Variants in NLRC3 observed in about 807,000 individuals in gnomAD.
The protein encoded by NLRC3 is NLR family CARD domain containing 3.
Under a neutral mutation model 91.6 loss-of-function variants are expected in NLRC3, and 87 were observed. The ratio of observed to expected loss-of-function variants is 0.95; its 90% confidence interval spans 0.80 to 1.14. The LOEUF (loss-of-function observed/expected upper bound fraction) is 1.14. Among genes scored for constraint, NLRC3 ranks in the 50% most tolerant of loss-of-function variants. The pLI is 0.00. For synonymous variants in NLRC3, 694 were observed against 625.3 expected (o/e 1.11, Z -1.64); for missense variants, 1,577 against 1,418.6 (o/e 1.11, Z -1.79).
In NLRC3 at chr16:3,564,879, G is replaced by C. The variant is rs201578185; in HGVS notation, c.158C>G (p.Pro53Arg). 1 of 1,607,454 alleles carries C rather than the reference G, an allele frequency of 6.2e-7. No homozygotes were observed. Among genetic ancestry groups the C allele is most frequent in the Admixed American group, 1.7e-5 (1 of 59,828 alleles). ...PQALDRTPDA[P>R]LGPCSNDSRI... Reference sequence around the variant, plus strand: ...CCTACCATTGCTGCAGGGCCCCAGCGGGGCATCCGGTGTCCTATCCAGGGC... The same window carrying C: ...CCTACCATTGCTGCAGGGCCCCAGCCGGGCATCCGGTGTCCTATCCAGGGC... Residue 53 changes from proline (P) to arginine (R), a missense_variant, in exon 4 of 20, where the codon CCG becomes CGG. Pro to Arg is a moderately radical substitution (Grantham distance 103). Transcript: ENST00000359128. The surrounding 1 kb of genome is among the most constrained non-coding windows in gnomAD (Gnocchi z 5.9).
Position 3,569,397 on chromosome 16 carries a change from A to ATTT in NLRC3, c.-168-2076_-168-2074dup, listed in dbSNP as rs1203778704. On this transcript the variant is annotated intron_variant, in intron 1 of 19. Coordinates refer to ENST00000359128, the MANE Select transcript of NLRC3 (RefSeq NM_178844.4). ...ATATATATATATATATATATATATT[A>ATTT]TTTTTTTTTTTTTTTTTTTTTTTTG... Among the ~76,000 whole-genome samples the ATTT allele has an allele frequency of 6.3e-3, 257 of 41,058 alleles. 11 individuals carry two copies. Among genetic ancestry groups the ATTT allele is most frequent in the African/African-American group, 0.017 (134 of 8,074 alleles). 26.9% of individuals were successfully genotyped at this position (41,058 alleles called of 152,430 possible). A position where few individuals can be genotyped will look rare whatever the true frequency, so the allele number is the denominator to read the frequency against.
rs1013992005 is a variant in NLRC3 at position 3,548,326 on chromosome 16, C to A, written c.2688-108G>T. The A allele has an allele frequency of 5.8e-6, 5 of 856,766 alleles. No homozygotes were observed. In the Admixed American group the frequency reaches 8.4e-5, roughly 14 times the overall value. 53.1% of individuals were successfully genotyped at this position (856,766 alleles called of 1,614,324 possible). ...GAGGTGGAATCCCTGCAGGATGTGG[C>A]AGGAGAATTCCTGCAACCCCTGCCC... On this transcript the variant is annotated intron_variant, in intron 14 of 19. Transcript: ENST00000359128.
chr16:3,567,743 G>A (rs1311418759), intron 1 of NLRC3, among the ~76,000 whole-genome samples: 1 of 111,248 alleles, frequency 9.0e-6, no homozygotes, highest in Non-Finnish European at 1.7e-5. Flanking sequence ...CTGCACTCCA[G>A]CCTGGGCAAC....
At chr16:3,549,881 T>TG in intron 11 of NLRC3, 101 bp from the exon 12 acceptor site, 1 of 742,914 alleles carries the variant, frequency 1.3e-6, no homozygotes, top group Non-Finnish European at 2.2e-6. Flanking sequence ...AACAGGGAGT[T>TG]GGGGGCTCCA....
chr16:3,564,446 T>C lies in NLRC3; in HGVS notation c.491A>G (p.His164Arg), dbSNP rs892411797. The change falls in exon 5 of 20, where the codon CAT (histidine) becomes CGT (arginine). Residue 164 changes from histidine (H) to arginine (R), a missense_variant. Coordinates refer to ENST00000359128, the MANE Select transcript of NLRC3 (RefSeq NM_178844.4). The surrounding 1 kb of genome is among the most constrained non-coding windows in gnomAD (Gnocchi z 5.9). Reference protein sequence around the residue: ...LVRHFVRLWAHGQVGKDFSLV... With the variant: ...LVRHFVRLWARGQVGKDFSLV... ...CGAGAAGTCCTTGCCGACCTGCCCA[T>C]GGGCCCAGAGGCGGACGAAGTGCCT... 1.9e-6 allele frequency: 3 copies of C among 1,612,694 alleles called. No individual in the cohort carries two copies. The highest frequency in any genetic ancestry group is 2.7e-5 in the African/African-American group (2 of 74,944).
chr16:3,556,873 C>T (rs759859558), intron 8 of NLRC3, 38 bp downstream of exon 8: 124 of 1,467,494 alleles, frequency 8.4e-5, no homozygotes, highest in Middle Eastern at 4.3e-4. Context: ...TCTGGGCCCT[C>T]TCTTGGGGTC....
intron 14 of NLRC3, 146 bp downstream of exon 14, chr16:3,548,524 G>T: frequency 3.1e-6 from 2 of 650,996 alleles, no homozygotes; most frequent in Non-Finnish European, 5.4e-6. Flanking sequence ...GGCACAGTCT[G>T]CTGGCAGCAG....
At chr16:3,562,330 A>G (rs1269992580) in intron 5 of NLRC3, among the ~76,000 whole-genome samples, 1 of 152,104 alleles carries the variant, frequency 6.6e-6, no homozygotes, top group Non-Finnish European at 1.5e-5. Context: ...ATCCAGTGTG[A>G]CAGTGTCTTT....
chr16:3,576,866 C>T (rs1236761980), intron 1 of NLRC3, among the ~76,000 whole-genome samples: 4 of 152,158 alleles, frequency 2.6e-5, no homozygotes, highest in Non-Finnish European at 1.5e-5. Context: ...GATGGGGTTT[C>T]ACCATGTTGG....
At position 3,564,382 on chromosome 16, in the gene NLRC3, G is replaced by T. The variant is rs762423192; in HGVS notation, c.555C>A (p.His185Gln). 4 of 1,612,548 alleles carry T rather than the reference G, an allele frequency of 2.5e-6. No homozygotes were observed. Among genetic ancestry groups the T allele is most frequent in the African/African-American group, 1.3e-5 (1 of 75,080 alleles). The change falls in exon 5 of 20, where the codon CAC (histidine) becomes CAA (glutamine). Residue 185 changes from histidine (H) to glutamine (Q), a missense_variant. Transcript: ENST00000359128. This position sits in a 1 kb window ranked among gnomAD's most constrained non-coding sequence, Gnocchi z 5.9. Reference protein sequence around the residue: ...LPLTFRDLNTHEKLCADRLIC... With the variant: ...LPLTFRDLNTQEKLCADRLIC... ...TGAGTCGGTCGGCACACAGCTTCTC[G>T]TGGGTGTTGAGATCCCGGAAGGTCA...
intron 6 of NLRC3, 77 bp downstream of exon 6, chr16:3,561,625 A>T: frequency 1.0e-6 from 1 of 1,004,048 alleles, no homozygotes; most frequent in East Asian, 2.4e-5. Flanking sequence ...TGGCCAGCTG[A>T]GCAGAGGATG....
At position 3,564,506 on chromosome 16, in the gene NLRC3, A is replaced by G. The variant is rs371801941; in HGVS notation, c.431T>C (p.Ile144Thr). 8.7e-6 allele frequency: 14 copies of G among 1,612,252 alleles called. No individual in the cohort carries two copies. The African/African-American group carries it at 1.7e-4, about 20-fold the overall frequency. Residue 144 changes from isoleucine to threonine, a missense_variant, in exon 5 of 20, where the codon ATC (isoleucine) becomes ACC (threonine). Transcript: ENST00000359128. This position sits in a 1 kb window ranked among gnomAD's most constrained non-coding sequence, Gnocchi z 5.9. ...VSVPPRVSIT[I>T]GVAGMGKTTL... is the part of the protein sequence containing the mutation. ...GGTCTTGCCCATGCCGGCCACCCCG[A>G]TAGTGATGGAGACCCGGGGTGGGAC...
At chr16:3,548,615 A>T in intron 14 of NLRC3, 55 bp downstream of exon 14, 1 of 1,322,150 alleles carries the variant, frequency 7.6e-7, no homozygotes, top group Non-Finnish European at 1.1e-6. Context: ...GTTTGGGTGG[A>T]GCCCGGCAGC....
In NLRC3 at chr16:3,549,142, T is replaced by A; in HGVS notation, c.2603A>T (p.Asp868Val). 1 of 1,570,212 alleles carries A rather than the reference T, an allele frequency of 6.4e-7. No homozygotes were observed. Among genetic ancestry groups the A allele is most frequent in the Non-Finnish European group, 8.6e-7 (1 of 1,156,504 alleles). Residue 868 changes from aspartate (D) to valine (V), a missense_variant and splice_region_variant, in exon 13 of 20, where the codon GAC (aspartate) becomes GTC (valine). Transcript: ENST00000359128. ...GGAGTCACAGGCCCCCACCACGTAC[T>A]CCAGGTTCTTCAGGGTGCTGTTGGC... ...LCANSTLKNL[D>V]LTANLLHDQG...
rs1296811376 is a variant in NLRC3, at chr16:3,541,753, C to T, written c.*72G>A. 9.8e-7 allele frequency: 1 copy of T among 1,022,894 alleles called. No homozygotes were observed. Among genetic ancestry groups the T allele is most frequent in the Non-Finnish European group, 1.5e-6 (1 of 664,668 alleles). 63.4% of individuals were successfully genotyped at this position (1,022,894 alleles called of 1,614,324 possible). A position where few individuals can be genotyped will look rare whatever the true frequency, so the allele number is the denominator to read the frequency against. ...CGTTCCCAGCTCCCAGACAGGCCCCCCAGAAGTCGGCCTTTCTGTTCAAAA... is the reference window on the plus strand; with the variant it reads ...CGTTCCCAGCTCCCAGACAGGCCCCTCAGAAGTCGGCCTTTCTGTTCAAAA... On this transcript the variant is annotated 3_prime_UTR_variant, in exon 20 of 20. Coordinates refer to ENST00000359128, the MANE Select transcript of NLRC3 (RefSeq NM_178844.4).
chr16:3,573,357 G>T (rs975807932), intron 1 of NLRC3, among the ~76,000 whole-genome samples: 1 of 152,102 alleles, frequency 6.6e-6, no homozygotes. Context: ...AACTCCCGCC[G>T]TCAAGGCTGC....
In NLRC3 at chr16:3,552,289, A is replaced by C; in HGVS notation, c.2268-10T>G. ...GCTGTTCTTCTGCAGGCTGTGGGAG[A>C]AAAGAGAGGGGTCCTTTAGAAAGGC... On this transcript the variant is annotated splice_polypyrimidine_tract_variant and intron_variant, in intron 9 of 19. Transcript: ENST00000359128. The C allele has an allele frequency of 6.2e-7, 1 of 1,604,314 alleles. No individual in the cohort carries two copies. Among genetic ancestry groups the C allele is most frequent in the South Asian group, 1.1e-5 (1 of 90,904 alleles).
chr16:3,564,122 G>C lies in NLRC3; in HGVS notation c.815C>G (p.Ser272Cys), dbSNP rs764057684. ...SIWITSRPSA[S>C]GQIPGGLVDR... is the part of the protein sequence containing the mutation. The stretch of plus-strand genomic sequence containing the variant: ...CACCAGGCCCCCTGGGATCTGGCCA[G>C]ATGCACTGGGACGGGAGGTGATCCA... Residue 272 changes from serine (S) to cysteine (C), a missense_variant, in exon 5 of 20, where the codon TCT (serine) becomes TGT (cysteine). Ser to Cys is a moderately radical substitution (Grantham distance 112). Coordinates refer to ENST00000359128, the MANE Select transcript of NLRC3 (RefSeq NM_178844.4). This position sits in a 1 kb window ranked among gnomAD's most constrained non-coding sequence, Gnocchi z 5.9. The C allele has an allele frequency of 2.5e-6, 4 of 1,613,724 alleles. No homozygotes were observed. The highest frequency in any genetic ancestry group is 3.4e-6 in the Non-Finnish European group (4 of 1,179,890).
In NLRC3 at chr16:3,540,309, T is replaced by C. The variant is rs2038346685; in HGVS notation, c.*1516A>G. ...ACATTTCAAATAATAGTGATTCCTT[T>C]CCAATTCAAAAGTAATCATTGCTTT... On this transcript the variant is annotated 3_prime_UTR_variant, in exon 20 of 20. Transcript: ENST00000359128. 6.6e-6 allele frequency: 1 copy of C among 152,244 alleles called. No homozygotes were observed. The highest frequency in any genetic ancestry group is 1.5e-5 in the Non-Finnish European group (1 of 68,048). 9.4% of individuals were successfully genotyped at this position (152,244 alleles called of 1,614,324 possible). A position where few individuals can be genotyped will look rare whatever the true frequency, so the allele number is the denominator to read the frequency against.
Sources: gnomAD v4.1 joint callset for allele counts (sites outside exome capture counted in the v4.1 genomes callset) on GRCh38, gnomAD v4.1.1 for gene constraint, Gnocchi (gnomAD v3.1) non-coding constraint, MANE v1.5 for transcripts, NCBI Gene and HGNC (gene_info 2026-07-23, HGNC 2026-07-21) for gene names.